The following KL variants were observed in gnomAD, a reference collection of about 807,000 sequenced individuals.
KL encodes klotho, also known as alpha-klotho.
In KL, 62 loss-of-function variants were observed where a neutral mutation model predicts 84.2. That is an observed-to-expected ratio of 0.74 (90% CI 0.60 to 0.91). The LOEUF (loss-of-function observed/expected upper bound fraction) is 0.91, where lower values mean the gene tolerates loss of function less well. KL is among the 40% of genes least tolerant of loss of function. The pLI, the probability that KL is intolerant of heterozygous loss-of-function variation, is 0.00. For synonymous variants in KL, 528 were observed against 528.0 expected (o/e 1.00, Z 0.00); for missense variants, 1,261 against 1,305.7 (o/e 0.97, Z 0.53).
Position 33,049,634 on chromosome 13 carries a change from G to A in KL, c.820-4133G>A, listed in dbSNP as rs1356176372. On this transcript the variant is annotated intron_variant, in intron 1 of 4. Coordinates refer to ENST00000380099, the MANE Select transcript of KL (RefSeq NM_004795.4). ...TACCTTAGAGAGCTGCACCTCCAAA[G>A]CATGGAAGGCTAGATAATCTTAGAA... Among the ~76,000 whole-genome samples, 8 of 152,266 alleles carry A rather than the reference G, an allele frequency of 5.3e-5. No homozygotes were observed. In the East Asian group the frequency reaches 1.4e-3, roughly 26 times the overall value.
At chr13:33,056,417 TCCTTA>T (rs1871958952) in intron 3 of KL, among the ~76,000 whole-genome samples, 1 of 152,200 alleles carries the variant, frequency 6.6e-6, no homozygotes, top group African/African-American at 2.4e-5. Context: ...ATTAACACCA[TCCTTA>T]GTACATTTTT....
chr13:33,063,880 A>C lies in KL; in HGVS notation c.2733A>C (p.Gly911=). 6.2e-7 allele frequency: 1 copy of C among 1,614,024 alleles called. No homozygotes were observed. Among genetic ancestry groups the C allele is most frequent in the Admixed American group, 1.7e-5 (1 of 60,026 alleles). The change falls in exon 5 of 5, where the codon GGA becomes GGC. Residue 911 remains glycine, a synonymous_variant. Transcript: ENST00000380099. ...AHILDGINLC[G]YFAYSFNDRT... is the part of the protein sequence containing the mutation. ...TACTGGATGGTATCAATCTTTGCGGATACTTTGCTTATTCGTTTAACGACC... is the reference window on the plus strand; with the variant it reads ...TACTGGATGGTATCAATCTTTGCGGCTACTTTGCTTATTCGTTTAACGACC...
intron 1 of KL, among the ~76,000 whole-genome samples, chr13:33,037,530 T>C (rs942368027): frequency 3.3e-5 from 5 of 152,156 alleles, no homozygotes; most frequent in African/African-American, 7.2e-5. Flanking sequence ...AATGTTGTCC[T>C]CTCTTCATTG....
intron 1 of KL, among the ~76,000 whole-genome samples, chr13:33,052,994 A>G (rs1871810573): frequency 6.6e-6 from 1 of 152,218 alleles, no homozygotes; most frequent in African/African-American, 2.4e-5. Flanking sequence ...GTCAGTAAGA[A>G]TTTATGGGAG....
chr13:33,037,369 G>A (rs1012274727), intron 1 of KL, among the ~76,000 whole-genome samples: 4 of 152,178 alleles, frequency 2.6e-5, no homozygotes, highest in Non-Finnish European at 5.9e-5. Flanking sequence ...GATCCAGCCA[G>A]AAAGCAAGAA....
intron 1 of KL, among the ~76,000 whole-genome samples, chr13:33,045,160 T>C (rs960138507): frequency 3.3e-5 from 5 of 152,240 alleles, no homozygotes; most frequent in African/African-American, 9.6e-5. Context: ...TGTTCATTGC[T>C]ATTGTACAGA....
intron 1 of KL, among the ~76,000 whole-genome samples, chr13:33,023,499 C>T (rs1011985447): frequency 5.3e-5 from 8 of 152,188 alleles, no homozygotes; most frequent in Non-Finnish European, 1.0e-4. Context: ...ATTTCAATAG[C>T]ATTTGACCAA....
At chr13:33,019,087 A>T (rs572499606) in intron 1 of KL, among the ~76,000 whole-genome samples, 1 of 99,384 alleles carries the variant, frequency 1.0e-5, no homozygotes, top group East Asian at 3.2e-4. Context: ...TAGGGAAATT[A>T]GTAACAGGTG....
intron 1 of KL, among the ~76,000 whole-genome samples, chr13:33,022,448 T>C (rs1465700910): frequency 6.6e-6 from 1 of 152,204 alleles, no homozygotes; most frequent in Non-Finnish European, 1.5e-5. Flanking sequence ...GGACAAGTAA[T>C]AATAGGTGAG....
chr13:33,054,044 T>A lies in KL; in HGVS notation c.1097T>A (p.Phe366Tyr). The A allele has an allele frequency of 6.2e-7, 1 of 1,613,014 alleles. No individual in the cohort carries two copies. The highest frequency in any genetic ancestry group is 1.1e-5 in the South Asian group (1 of 91,068). ...EKKFIKGTAD[F>Y]FALCFGPTLS... Reference sequence around the variant, plus strand: ...AAGTTCATCAAAGGAACTGCTGACTTTTTTGCTCTTTGCTTTGGACCCACC... The same window carrying A: ...AAGTTCATCAAAGGAACTGCTGACTATTTTGCTCTTTGCTTTGGACCCACC... The change falls in exon 2 of 5, where the codon TTT (phenylalanine) becomes TAT (tyrosine). Residue 366 changes from phenylalanine to tyrosine, a missense_variant. Physicochemically the swap from Phe to Tyr is conservative, Grantham distance 22 (BLOSUM62 3). Coordinates refer to ENST00000380099, the MANE Select transcript of KL (RefSeq NM_004795.4).
intron 1 of KL, among the ~76,000 whole-genome samples, chr13:33,050,416 C>T (rs554634): frequency 0.66 from 100,706 of 152,130 alleles, 33,867 homozygotes; most frequent in Admixed American, 0.76. Flanking sequence ...ATGTACCATC[C>T]GCAAAGGGAG....
At chr13:33,050,948 G>A (rs1302238112) in intron 1 of KL, among the ~76,000 whole-genome samples, 2 of 152,180 alleles carry the variant, frequency 1.3e-5, no homozygotes, top group East Asian at 3.9e-4. Context: ...TAGAGGAGTA[G>A]GGAATCTAAA....
chr13:33,031,440 A>G (rs1299555648), intron 1 of KL, among the ~76,000 whole-genome samples: 1 of 152,174 alleles, frequency 6.6e-6, no homozygotes, highest in Non-Finnish European at 1.5e-5. Flanking sequence ...ACACATTGAA[A>G]AAATCACATA....
At chr13:33,044,736 G>GTTTTTTTGTTTGTTTGTTTTTCCCTTTTC (rs1871466770) in intron 1 of KL, among the ~76,000 whole-genome samples, 1 of 129,370 alleles carries the variant, frequency 7.7e-6, no homozygotes, top group African/African-American at 2.9e-5. Context: ...CTGCAGACTT[G>GTTTTTTTGTTTGTTTGTTTTTCCCTTTTC]AACTCCTGGG....
Position 33,017,129 on chromosome 13 carries a change from A to T in KL, c.689A>T (p.Gln230Leu). ...AELCFRHFGG[Q>L]VKYWITIDNP... ...CTCTGCTTCCGCCACTTCGGCGGTC[A>T]GGTCAAGTACTGGATCACCATCGAC... The change falls in exon 1 of 5, where the codon CAG (glutamine) becomes CTG (leucine). Residue 230 changes from glutamine to leucine, a missense_variant. Transcript: ENST00000380099. The T allele has an allele frequency of 1.2e-6, 2 of 1,603,754 alleles. No individual in the cohort carries two copies. Among genetic ancestry groups the T allele is most frequent in the Non-Finnish European group, 1.7e-6 (2 of 1,179,782 alleles).
intron 1 of KL, among the ~76,000 whole-genome samples, chr13:33,045,352 GGC>G (rs1871487368): frequency 6.6e-6 from 1 of 152,092 alleles, no homozygotes. Context: ...TAATTGCTCT[GGC>G]AAGAACTTCT....
chr13:33,058,930 TA>T (rs1202631435), intron 3 of KL, among the ~76,000 whole-genome samples: 1 of 152,172 alleles, frequency 6.6e-6, no homozygotes, highest in Non-Finnish European at 1.5e-5. Context: ...CCCACAGCAT[TA>T]GGGGAAGTGC....
At chr13:33,046,373 T>C (rs1418441630) in intron 1 of KL, among the ~76,000 whole-genome samples, 2 of 152,222 alleles carry the variant, frequency 1.3e-5, no homozygotes, top group East Asian at 3.8e-4. Flanking sequence ...ATGTGTGTGC[T>C]TCCGGGAATT....
At chr13:33,033,041 T>A (rs558223366) in intron 1 of KL, among the ~76,000 whole-genome samples, 1 of 152,318 alleles carries the variant, frequency 6.6e-6, no homozygotes, top group African/African-American at 2.4e-5. Context: ...ATGCCCAGCA[T>A]AATAATTTGT....
Sources: allele counts gnomAD v4.1 joint callset (sites outside exome capture counted in the v4.1 genomes callset), GRCh38; gene constraint gnomAD v4.1.1; transcripts MANE v1.5; gene names NCBI Gene and HGNC (gene_info 2026-07-23, HGNC 2026-07-21).